Variants in MAST1 observed in about 807,000 individuals in gnomAD.
MAST1 encodes microtubule associated serine/threonine kinase 1.
MAST1 carries 40 observed loss-of-function variants against 124.6 expected under a neutral mutation model. The observed-to-expected ratio is 0.32, with a 90% CI of 0.25 to 0.42. The LOEUF is 0.42. MAST1 is among the 10% of genes least tolerant of loss of function. The pLI is 1.00. For synonymous variants in MAST1, 938 were observed against 939.4 expected (o/e 1.00, Z 0.03); for missense variants, 1,558 against 2,181.9 (o/e 0.71, Z 5.70).
intron 10 of MAST1, 66 bp from the exon 11 acceptor site, chr19:12,858,296 A>G: frequency 7.3e-7 from 1 of 1,377,998 alleles, no homozygotes; most frequent in Non-Finnish European, 1.0e-6. Context: ...CATGTGTAAA[A>G]TGAAATTAAA....
chr19:12,847,859 G>A lies in MAST1; in HGVS notation c.576G>A (p.Gln192=), dbSNP rs113777003. The change falls in exon 7 of 26, where the codon CAG becomes CAA. Residue 192 remains glutamine (Q), a synonymous_variant. Coordinates refer to ENST00000251472, the MANE Select transcript of MAST1 (RefSeq NM_014975.3). The surrounding 1 kb of genome is among the most constrained non-coding windows in gnomAD (Gnocchi z 5.5). ...CGTCCCTCCCGCAGGCCACTGCGCA[G>A]ATGGAGGAGAAGCTGCGCGACTTTA... ...YKERFPKATA[Q]MEEKLRDFTR... 21,993 of 1,610,410 alleles carry A rather than the reference G, an allele frequency of 0.014. 225 individuals carry two copies. The highest frequency in any genetic ancestry group is 0.047 in the African/African-American group (3,487 of 74,944).
At position 12,843,746 on chromosome 19, in the gene MAST1, A is replaced by G; in HGVS notation, c.327+139A>G. 1 of 691,902 alleles carries G rather than the reference A, an allele frequency of 1.4e-6. No individual in the cohort carries two copies. Among genetic ancestry groups the G allele is most frequent in the Non-Finnish European group, 2.4e-6 (1 of 416,654 alleles). 42.9% of individuals were successfully genotyped at this position (691,902 alleles called of 1,614,324 possible). ...CCAGGCTCAGTGACTCAAGCCTGTA[A>G]TCCCAGTACTTTGGGAGGCCAAGAC... On this transcript the variant is annotated intron_variant, in intron 4 of 25. Coordinates refer to ENST00000251472, the MANE Select transcript of MAST1 (RefSeq NM_014975.3). The surrounding 1 kb of genome is among the most constrained non-coding windows in gnomAD (Gnocchi z 4.9).
Position 12,838,619 on chromosome 19 carries a change from C to T in MAST1, c.47C>T (p.Ser16Phe), listed in dbSNP as rs1969788398. 1.2e-6 allele frequency: 2 copies of T among 1,610,572 alleles called. No homozygotes were observed. The highest frequency in any genetic ancestry group is 1.3e-5 in the African/African-American group (1 of 74,518). ...GCGCTTTCTAATTTCTCGATGCCCT[C>T]CTTCCCCGGCGGCAGTATGTTCCGC... Reference protein sequence around the residue: ...WTALSNFSMPSFPGGSMFRRT... With the variant: ...WTALSNFSMPFFPGGSMFRRT... Residue 16 changes from serine to phenylalanine, a missense_variant, in exon 1 of 26, where the codon TCC (serine) becomes TTC (phenylalanine). By Grantham distance (155) the Ser-to-Phe change is radical. Coordinates refer to ENST00000251472, the MANE Select transcript of MAST1 (RefSeq NM_014975.3). The surrounding 1 kb of genome is among the most constrained non-coding windows in gnomAD (Gnocchi z 4.3).
At chr19:12,854,556 C>T (rs1015062693) in intron 10 of MAST1, among the ~76,000 whole-genome samples, 14 of 152,114 alleles carry the variant, frequency 9.2e-5, no homozygotes, top group African/African-American at 2.7e-4. Flanking sequence ...TTTTTATAGC[C>T]GAGTAATATT....
At chr19:12,869,442 CT>C in intron 22 of MAST1, 147 bp downstream of exon 22, 1 of 677,274 alleles carries the variant, frequency 1.5e-6, no homozygotes, top group Non-Finnish European at 2.5e-6. Context: ...TTTTCTTTTA[CT>C]TTTTTATTTT....
In MAST1 at chr19:12,853,871, AAATAATAATAATAATAATAAT is replaced by A. The variant is rs58815071; in HGVS notation, c.1077+1495_1077+1515del. Among the ~76,000 whole-genome samples, 322 of 142,942 alleles carry A rather than the reference AAATAATAATAATAATAATAAT, an allele frequency of 2.3e-3. 2 individuals carry two copies. The highest frequency in any genetic ancestry group is 7.9e-3 in the African/African-American group (309 of 38,990). 93.8% of individuals were successfully genotyped at this position (142,942 alleles called of 152,430 possible). On this transcript the variant is annotated intron_variant, in intron 10 of 25. Transcript: ENST00000251472. ...GGCAACAGAGCGAGACTCTGTCTCA[AAATAATAATAATAATAATAAT>A]AATAATAATAATAATAATGATTAAT...
rs1216066597 is a variant in MAST1, at chr19:12,874,925, A to G, written c.*55A>G. 4 of 1,539,390 alleles carry G rather than the reference A, an allele frequency of 2.6e-6. No individual in the cohort carries two copies. The South Asian group carries it at 4.7e-5, about 18-fold the overall frequency. ...AGCCTCCGTATACATATGTACACAT[A>G]TAAATAAAGTGCGTCCGTGCTGCGT... On this transcript the variant is annotated 3_prime_UTR_variant, in exon 26 of 26. Coordinates refer to ENST00000251472, the MANE Select transcript of MAST1 (RefSeq NM_014975.3). This position sits in a 1 kb window ranked among gnomAD's most constrained non-coding sequence, Gnocchi z 6.6.
intron 22 of MAST1, 130 bp from the exon 23 acceptor site, chr19:12,870,691 GAAT>G: frequency 4.2e-6 from 4 of 941,606 alleles, no homozygotes; most frequent in Non-Finnish European, 6.0e-6. Context: ...GTGGGGGGAG[GAAT>G]AATAACTATT....
At position 12,866,899 on chromosome 19, in the gene MAST1, G is replaced by GTA. The variant is rs1160469364; in HGVS notation, c.2139+138_2139+139dup. 6 of 676,164 alleles carry GTA rather than the reference G, an allele frequency of 8.9e-6. No homozygotes were observed. The highest frequency in any genetic ancestry group is 1.3e-5 in the Non-Finnish European group (5 of 392,692). 41.9% of individuals were successfully genotyped at this position (676,164 alleles called of 1,614,324 possible). A position where few individuals can be genotyped will look rare whatever the true frequency, so the allele number is the denominator to read the frequency against. ...TGATGGGGCGGGAGTCTGGAAGGTG[G>GTA]TAAGGCCACGCAAGAGGCAGGTTCG... On this transcript the variant is annotated intron_variant, in intron 18 of 25. Transcript: ENST00000251472. This position sits in a 1 kb window ranked among gnomAD's most constrained non-coding sequence, Gnocchi z 5.2.
Position 12,865,655 on chromosome 19 carries a change from G to T in MAST1, c.1805-62G>T, listed in dbSNP as rs1267601024. On this transcript the variant is annotated intron_variant, in intron 15 of 25. Transcript: ENST00000251472. This position sits in a 1 kb window ranked among gnomAD's most constrained non-coding sequence, Gnocchi z 7.1. ...GCACTCCAGCTGGGTGACACAGTGAGATCCTGTGTCCAAACAACAACAACA... is the reference window on the plus strand; with the variant it reads ...GCACTCCAGCTGGGTGACACAGTGATATCCTGTGTCCAAACAACAACAACA... 1 of 1,466,038 alleles carries T rather than the reference G, an allele frequency of 6.8e-7. No homozygotes were observed. Among genetic ancestry groups the T allele is most frequent in the Non-Finnish European group, 9.4e-7 (1 of 1,065,540 alleles). The allele number at this position is 1,466,038 out of a possible 1,614,324, so 90.8% of individuals were successfully genotyped here. A position where few individuals can be genotyped will look rare whatever the true frequency, so the allele number is the denominator to read the frequency against.
chr19:12,865,819 G>T lies in MAST1; in HGVS notation c.1906+1G>T. ...AACCCTCTGGTCAGGCTTGGGGCAGGTAAGTCCGCCATGCAGAGGAGCTGA... is the reference window on the plus strand; with the variant it reads ...AACCCTCTGGTCAGGCTTGGGGCAGTTAAGTCCGCCATGCAGAGGAGCTGA... On this transcript the variant is annotated splice_donor_variant, in intron 16 of 25. Transcript: ENST00000251472. LOFTEE classifies it high-confidence loss of function. This position sits in a 1 kb window ranked among gnomAD's most constrained non-coding sequence, Gnocchi z 7.1. 1 of 1,612,576 alleles carries T rather than the reference G, an allele frequency of 6.2e-7. No individual in the cohort carries two copies. Among genetic ancestry groups the T allele is most frequent in the Non-Finnish European group, 8.5e-7 (1 of 1,179,236 alleles).
rs1343000430 is a variant in MAST1 at position 12,874,283 on chromosome 19, A to T, written c.4126A>T (p.Thr1376Ser). 1 of 1,589,334 alleles carries T rather than the reference A, an allele frequency of 6.3e-7. No homozygotes were observed. The highest frequency in any genetic ancestry group is 8.5e-7 in the Non-Finnish European group (1 of 1,173,952). Residue 1376 changes from threonine (T) to serine (S), a missense_variant, in exon 26 of 26, where the codon ACC becomes TCC. Physicochemically the swap from Thr to Ser is moderately conservative, Grantham distance 58. Coordinates refer to ENST00000251472, the MANE Select transcript of MAST1 (RefSeq NM_014975.3). The surrounding 1 kb of genome is among the most constrained non-coding windows in gnomAD (Gnocchi z 6.6). The stretch of plus-strand genomic sequence containing the variant: ...GGCGTGCACCCCACCCCGCGCGACG[A>T]CCCCCGGTGGCCGGACCCTGGAGCG... The part of the protein sequence containing the change: ...AEACTPPRAT[T>S]PGGRTLERDV...
intron 7 of MAST1, 37 bp from the exon 8 acceptor site, chr19:12,851,897 G>A (rs769794406): frequency 6.6e-7 from 1 of 1,525,430 alleles, no homozygotes; most frequent in Non-Finnish European, 9.0e-7. Context: ...GAGGCAGAGT[G>A]CCTATGAGCC....
Position 12,865,015 on chromosome 19 carries a change from T to A in MAST1, c.1506-31T>A. Reference sequence around the variant, plus strand: ...GGCCAGGAGGCAGAATGGACGGGCCTCATCCCTGAGATCCCCACCTGTGCC... The same window carrying A: ...GGCCAGGAGGCAGAATGGACGGGCCACATCCCTGAGATCCCCACCTGTGCC... On this transcript the variant is annotated intron_variant, in intron 13 of 25. Coordinates refer to ENST00000251472, the MANE Select transcript of MAST1 (RefSeq NM_014975.3). The surrounding 1 kb of genome is among the most constrained non-coding windows in gnomAD (Gnocchi z 7.1). 1 of 1,613,618 alleles carries A rather than the reference T, an allele frequency of 6.2e-7. No homozygotes were observed. The highest frequency in any genetic ancestry group is 1.1e-5 in the South Asian group (1 of 91,058).
In MAST1 at chr19:12,838,631, G is replaced by A. The variant is rs772416933; in HGVS notation, c.59G>A (p.Gly20Asp). The change falls in exon 1 of 26, where the codon GGC becomes GAC. Residue 20 changes from glycine to aspartate, a missense_variant. This residue lies in a region of MAST1 where 42 missense variants were observed against 54.6 expected (regional missense o/e 0.77). Transcript: ENST00000251472. This position sits in a 1 kb window ranked among gnomAD's most constrained non-coding sequence, Gnocchi z 4.3. ...TTCTCGATGCCCTCCTTCCCCGGCG[G>A]CAGTATGTTCCGCCGCACCAAGAGG... ...SNFSMPSFPG[G>D]SMFRRTKSCR... The A allele has an allele frequency of 1.2e-6, 2 of 1,609,982 alleles. No homozygotes were observed. The highest frequency in any genetic ancestry group is 1.1e-5 in the South Asian group (1 of 90,518).
chr19:12,864,102 C>A (rs563951184), intron 12 of MAST1, among the ~76,000 whole-genome samples: 2 of 152,042 alleles, frequency 1.3e-5, no homozygotes, highest in South Asian at 2.1e-4. Flanking sequence ...CTTTAGTATT[C>A]TTTTTTCAGA....
Position 12,841,003 on chromosome 19 carries a change from TG to T in MAST1, c.187del (p.Asp63ThrfsTer114). ...PLPGHLGSSPLDSPRNFSPNT... is the reference protein window; with the variant it reads ...PLPGHLGSSPXDSPRNFSPNT... ...CTTTCTCTCATAGGCAGCAGTCCCCTGGACAGCCCCCGAAACTTCTCCCCCA... is the reference window on the plus strand; with the variant it reads ...CTTTCTCTCATAGGCAGCAGTCCCCTGACAGCCCCCGAAACTTCTCCCCCA... On this transcript the variant is annotated frameshift_variant, in exon 3 of 26. Coordinates refer to ENST00000251472, the MANE Select transcript of MAST1 (RefSeq NM_014975.3). LOFTEE classifies it high-confidence loss of function. The surrounding 1 kb of genome is among the most constrained non-coding windows in gnomAD (Gnocchi z 4.3). The T allele has an allele frequency of 1.5e-6, 2 of 1,303,762 alleles. No homozygotes were observed. The highest frequency in any genetic ancestry group is 2.2e-6 in the Non-Finnish European group (2 of 895,846). The allele number at this position is 1,303,762 out of a possible 1,614,324, so 80.8% of individuals were successfully genotyped here.
At position 12,841,477 on chromosome 19, in the gene MAST1, G is replaced by C. The variant is rs183080611; in HGVS notation, c.248+411G>C. ...GAGGTGGGGGAGGACGACTAGGGCTGTTTCTCAAGGGGAGGAATCTCAGGT... is the reference window on the plus strand; with the variant it reads ...GAGGTGGGGGAGGACGACTAGGGCTCTTTCTCAAGGGGAGGAATCTCAGGT... On this transcript the variant is annotated intron_variant, in intron 3 of 25. Transcript: ENST00000251472. This position sits in a 1 kb window ranked among gnomAD's most constrained non-coding sequence, Gnocchi z 4.3. Among the ~76,000 whole-genome samples the C allele has an allele frequency of 2.0e-3, 308 of 152,366 alleles. 1 individual carries two copies. Among genetic ancestry groups the C allele is most frequent in the South Asian group, 3.9e-3 (19 of 4,830 alleles).
chr19:12,866,158 A>G lies in MAST1; in HGVS notation c.2029+56A>G. On this transcript the variant is annotated intron_variant, in intron 17 of 25. Coordinates refer to ENST00000251472, the MANE Select transcript of MAST1 (RefSeq NM_014975.3). The surrounding 1 kb of genome is among the most constrained non-coding windows in gnomAD (Gnocchi z 5.2). ...CGAGGGGTGGGATCCGGGAAGAGGG[A>G]CCCTGGGGTAAGTAAAGCCTGGGAT... 1 of 1,577,578 alleles carries G rather than the reference A, an allele frequency of 6.3e-7. No homozygotes were observed. Among genetic ancestry groups the G allele is most frequent in the Non-Finnish European group, 8.6e-7 (1 of 1,162,086 alleles).
Sources: gnomAD v4.1 joint callset for allele counts (sites outside exome capture counted in the v4.1 genomes callset) on GRCh38, gnomAD v4.1.1 for gene constraint, gnomAD v4.1.1 regional missense constraint, Gnocchi (gnomAD v3.1) non-coding constraint, MANE v1.5 for transcripts, NCBI Gene and HGNC (gene_info 2026-07-23, HGNC 2026-07-21) for gene names.